Variants in NRXN3 observed in about 807,000 individuals in gnomAD.
The protein encoded by NRXN3 is neurexin III.
A neutral mutation model predicts 137.6 loss-of-function variants in NRXN3; 32 were observed. That is an observed-to-expected ratio of 0.23 (90% CI 0.18 to 0.31). The LOEUF is 0.31. Ranked by LOEUF, NRXN3 falls within the 10% of genes least tolerant of loss-of-function variation. The pLI is 1.00. For synonymous variants in NRXN3, 798 were observed against 784.5 expected (o/e 1.02, Z -0.29); for missense variants, 1,574 against 2,062.5 (o/e 0.76, Z 4.59).
intron 16 of NRXN3, among the ~76,000 whole-genome samples, chr14:79,538,306 A>G (rs1026342208): frequency 7.2e-5 from 11 of 152,010 alleles, no homozygotes; most frequent in African/African-American, 2.7e-4. Context: ...ATTAGATCCC[A>G]TTTGTTAGTT....
intron 1 of NRXN3, among the ~76,000 whole-genome samples, chr14:78,222,339 C>CAT (rs2063945341): frequency 6.6e-6 from 1 of 152,076 alleles, no homozygotes; most frequent in African/African-American, 2.4e-5. Context: ...CACATACACA[C>CAT]ACACACACAC....
chr14:79,138,261 C>G (rs1373659049), intron 15 of NRXN3, among the ~76,000 whole-genome samples: 3 of 152,068 alleles, frequency 2.0e-5, no homozygotes, highest in African/African-American at 7.2e-5. Context: ...GCTCATGATC[C>G]TTACGCCTCA....
chr14:79,472,640 A>G (rs1160425258), intron 16 of NRXN3, among the ~76,000 whole-genome samples: 2 of 152,174 alleles, frequency 1.3e-5, no homozygotes, highest in African/African-American at 2.4e-5. Flanking sequence ...TTCAAATGTT[A>G]GTTTCCTTCC....
At position 79,075,812 on chromosome 14, in the gene NRXN3, C is replaced by T. The variant is rs184210375; in HGVS notation, c.3262+87671C>T. 5.9e-5 allele frequency among the ~76,000 whole-genome samples: 9 copies of T among 152,198 alleles called. No homozygotes were observed. The East Asian group carries it at 7.7e-4, about 13-fold the overall frequency. ...CTTGGCCCTCAATGTGTGTGGCAGGCGGGGAGGCAGGAGAGGAAAATGAGG... is the reference window on the plus strand; with the variant it reads ...CTTGGCCCTCAATGTGTGTGGCAGGTGGGGAGGCAGGAGAGGAAAATGAGG... On this transcript the variant is annotated intron_variant, in intron 15 of 20. Transcript: ENST00000335750.
intron 15 of NRXN3, among the ~76,000 whole-genome samples, chr14:79,084,967 C>T (rs554992721): frequency 6.6e-6 from 1 of 152,144 alleles, no homozygotes; most frequent in South Asian, 2.1e-4. Flanking sequence ...AGGTAAAATG[C>T]ATTAAGGCTT....
At chr14:79,608,560 A>G (rs2098054114) in intron 16 of NRXN3, among the ~76,000 whole-genome samples, 1 of 152,116 alleles carries the variant, frequency 6.6e-6, no homozygotes, top group African/African-American at 2.4e-5. Context: ...ATAAGCAGAG[A>G]CTTGTTGTTG....
chr14:78,739,469 C>G (rs554071369), intron 8 of NRXN3, among the ~76,000 whole-genome samples: 1 of 152,094 alleles, frequency 6.6e-6, no homozygotes, highest in Admixed American at 6.6e-5. Context: ...ACAGACAACT[C>G]TTTATATCTT....
At chr14:79,240,215 T>G (rs1283358751) in intron 15 of NRXN3, among the ~76,000 whole-genome samples, 2 of 152,128 alleles carry the variant, frequency 1.3e-5, no homozygotes, top group Non-Finnish European at 2.9e-5. Context: ...CTTTTTAAAT[T>G]TTACTTTCAT....
chr14:78,927,823 A>C lies in NRXN3; in HGVS notation c.2276-29419A>C, dbSNP rs185217972. Among the ~76,000 whole-genome samples the C allele has an allele frequency of 3.3e-4, 51 of 152,282 alleles. 3 individuals are homozygous for C. The East Asian group carries it at 8.1e-3, about 24-fold the overall frequency. On this transcript the variant is annotated intron_variant, in intron 10 of 20. Coordinates refer to ENST00000335750, the MANE Select transcript of NRXN3 (RefSeq NM_001330195.2). ...CATTTTTCCCCACACAGGACAGTGC[A>C]GTCGTTAAGGCACCATGGTTAGTGT...
chr14:78,337,950 C>A (rs564560948), intron 4 of NRXN3, among the ~76,000 whole-genome samples: 2 of 152,074 alleles, frequency 1.3e-5, no homozygotes, highest in Non-Finnish European at 2.9e-5. Context: ...TGTCATGGCA[C>A]TGAGTGACTT....
At chr14:79,670,023 G>A (rs1295165018) in intron 17 of NRXN3, among the ~76,000 whole-genome samples, 1 of 151,990 alleles carries the variant, frequency 6.6e-6, no homozygotes, top group African/African-American at 2.4e-5. Context: ...TTGCTATTGA[G>A]CAGTGTGGCT....
intron 16 of NRXN3, chr14:79,570,573 G>C (rs892326853): frequency 1.9e-4 from 29 of 152,304 alleles, no homozygotes; most frequent in Non-Finnish European, 8.8e-5. Context: ...GTGCAAGGCT[G>C]TTCAGACCCA....
chr14:79,044,491 A>G (rs762248320), intron 15 of NRXN3, among the ~76,000 whole-genome samples: 94 of 152,300 alleles, frequency 6.2e-4, no homozygotes, highest in African/African-American at 7.2e-4. Context: ...ATAGGTTTTG[A>G]TGATGGTTAA....
chr14:78,701,530 A>C (rs578143123), intron 6 of NRXN3, among the ~76,000 whole-genome samples: 6 of 152,248 alleles, frequency 3.9e-5, no homozygotes, highest in Admixed American at 1.3e-4. Context: ...GGATTTTGCT[A>C]CTTCAACGTC....
At chr14:79,009,754 G>C (rs908556020) in intron 15 of NRXN3, among the ~76,000 whole-genome samples, 60 of 152,098 alleles carry the variant, frequency 3.9e-4, no homozygotes, top group African/African-American at 1.4e-3. Flanking sequence ...AGTCTCTGTT[G>C]CCCATTTTCT....
intron 15 of NRXN3, among the ~76,000 whole-genome samples, chr14:79,394,298 T>C (rs1429929780): frequency 6.6e-6 from 1 of 152,202 alleles, no homozygotes; most frequent in Non-Finnish European, 1.5e-5. Flanking sequence ...CTAATATTTA[T>C]CAGATATAGA....
intron 15 of NRXN3, among the ~76,000 whole-genome samples, chr14:79,140,157 G>A (rs1418560646): frequency 2.6e-5 from 4 of 152,054 alleles, no homozygotes; most frequent in Non-Finnish European, 5.9e-5. Context: ...ATTGGAGATA[G>A]CAAACAGGCC....
At chr14:79,118,828 C>G (rs1374895874) in intron 15 of NRXN3, among the ~76,000 whole-genome samples, 1 of 152,100 alleles carries the variant, frequency 6.6e-6, no homozygotes, top group Non-Finnish European at 1.5e-5. Flanking sequence ...GCAGTATCCC[C>G]AAAGACATTT....
chr14:79,754,408 A>G lies in NRXN3; in HGVS notation c.4015-50704A>G, dbSNP rs377215139. On this transcript the variant is annotated intron_variant, in intron 19 of 20. Coordinates refer to ENST00000335750, the MANE Select transcript of NRXN3 (RefSeq NM_001330195.2). ...GATTATATGCAAATACTGTGCCATT[A>G]GGGACTTGAACATCTCCAGATTTTG... Among the ~76,000 whole-genome samples the G allele has an allele frequency of 6.1e-4, 92 of 150,008 alleles. 2 individuals are homozygous for G. In the South Asian group the frequency reaches 0.018, roughly 30 times the overall value.
Sources: allele counts gnomAD v4.1 joint callset (sites outside exome capture counted in the v4.1 genomes callset), GRCh38; gene constraint gnomAD v4.1.1; transcripts MANE v1.5; gene names NCBI Gene and HGNC (gene_info 2026-07-23, HGNC 2026-07-21).